ANKRD13A: variants seen among roughly 807,000 people sequenced by gnomAD.
ANKRD13A encodes ankyrin repeat domain 13A, also known as ankyrin repeat domain-containing protein 13A.
Under a neutral mutation model 81.3 loss-of-function variants are expected in ANKRD13A, and 48 were observed. The observed-to-expected ratio is 0.59, with a 90% CI of 0.47 to 0.75. The LOEUF (loss-of-function observed/expected upper bound fraction) is 0.75. Among genes scored for constraint, ANKRD13A ranks in the 30% least tolerant of loss-of-function variants. ANKRD13A has a pLI of 0.00. For synonymous variants in ANKRD13A, 230 were observed against 270.1 expected, an observed-to-expected ratio of 0.85 and a Z score of 1.45; for missense variants, 612 against 734.0, an observed-to-expected ratio of 0.83 and a Z score of 1.92.
intron 1 of ANKRD13A, among the ~76,000 whole-genome samples, chr12:110,008,532 T>A (rs1048359709): frequency 6.6e-6 from 1 of 152,198 alleles, no homozygotes; most frequent in Non-Finnish European, 1.5e-5. Context: ...TCCTTCTTCA[T>A]CTATTTATTG....
chr12:110,016,348 GC>G, intron 3 of ANKRD13A, 39 bp from the exon 4 acceptor site: 1 of 1,519,718 alleles, frequency 6.6e-7, no homozygotes, highest in Non-Finnish European at 8.9e-7. Context: ...TGTTGATAGT[GC>G]CAAGGGTAAT....
At chr12:110,003,463 C>T (rs1890083255) in intron 1 of ANKRD13A, among the ~76,000 whole-genome samples, 1 of 152,196 alleles carries the variant, frequency 6.6e-6, no homozygotes, top group Admixed American at 6.5e-5. Flanking sequence ...AGGAAACTGG[C>T]CTCAAGATTC....
At position 110,038,894 on chromosome 12, in the gene ANKRD13A, A is replaced by G. The variant is rs1262952172; in HGVS notation, c.*1340A>G. ...ACAGGCTGCACTGAAATAACCTGGT[A>G]AACAACACCCTCCTCCATTTTGCGT... On this transcript the variant is annotated 3_prime_UTR_variant, in exon 15 of 15. Transcript: ENST00000261739. The G allele has an allele frequency of 6.6e-6, 1 of 152,198 alleles. No homozygotes were observed. The highest frequency in any genetic ancestry group is 1.5e-5 in the Non-Finnish European group (1 of 68,038). The allele number at this position is 152,198 out of a possible 1,614,324, so 9.4% of individuals were successfully genotyped here.
Position 110,013,115 on chromosome 12 carries a change from T to G in ANKRD13A, c.230-10T>G, listed in dbSNP as rs776707541. ...GTATGAGAATTAAATTTCACCCTTT[T>G]GTTTTCTAGTTTTACATGAGGCTGT... On this transcript the variant is annotated splice_polypyrimidine_tract_variant and intron_variant, in intron 2 of 14. Transcript: ENST00000261739. 1 of 1,612,190 alleles carries G rather than the reference T, an allele frequency of 6.2e-7. No individual in the cohort carries two copies. The highest frequency in any genetic ancestry group is 1.1e-5 in the South Asian group (1 of 90,526).
chr12:110,019,968 TG>T (rs1890997478), intron 6 of ANKRD13A, among the ~76,000 whole-genome samples: 1 of 152,192 alleles, frequency 6.6e-6, no homozygotes, highest in Non-Finnish European at 1.5e-5. Flanking sequence ...GGGGGGCCTT[TG>T]AGTAGAGGCT....
chr12:110,027,543 A>G (rs1891411694), intron 8 of ANKRD13A, 162 bp from the exon 9 acceptor site: 1 of 668,424 alleles, frequency 1.5e-6, no homozygotes, highest in Non-Finnish European at 2.7e-6. Context: ...GCACCCTATA[A>G]AGGATAAATT....
At chr12:110,028,071 A>G (rs1019602839) in intron 9 of ANKRD13A, 2 of 379,072 alleles carry the variant, frequency 5.3e-6, no homozygotes, top group African/African-American at 4.1e-5. Context: ...ATATTGCAAC[A>G]GAGCACCTTA....
At chr12:110,004,476 G>C (rs923863359) in intron 1 of ANKRD13A, among the ~76,000 whole-genome samples, 2 of 151,242 alleles carry the variant, frequency 1.3e-5, no homozygotes, top group Admixed American at 6.6e-5. Flanking sequence ...TTAGCCAGGC[G>C]TGGTGGTGCA....
rs1197505812 is a variant in ANKRD13A, at chr12:110,028,632, A to G, written c.1066A>G (p.Arg356Gly). The change falls in exon 10 of 15, where the codon AGA becomes GGA. Residue 356 changes from arginine (R) to glycine (G), a missense_variant. Arg to Gly is a moderately radical substitution (Grantham distance 125). Transcript: ENST00000261739. ...DIGRPKELTI[R>G]TQKFKAMLWM... is the part of the protein sequence containing the mutation. ...TGGAAGGCCGAAAGAGCTGACGATT[A>G]GAACACAGAAGTAAGAGAGGTTCAG... 5 of 1,614,120 alleles carry G rather than the reference A, an allele frequency of 3.1e-6. No individual in the cohort carries two copies. The African/African-American group carries it at 6.7e-5, about 22-fold the overall frequency.
At position 110,018,282 on chromosome 12, in the gene ANKRD13A, T is replaced by C; in HGVS notation, c.401-63T>C. 1 of 1,524,182 alleles carries C rather than the reference T, an allele frequency of 6.6e-7. No homozygotes were observed. Among genetic ancestry groups the C allele is most frequent in the Non-Finnish European group, 8.9e-7 (1 of 1,120,300 alleles). The allele number at this position is 1,524,182 out of a possible 1,614,324, so 94.4% of individuals were successfully genotyped here. A position where few individuals can be genotyped will look rare whatever the true frequency, so the allele number is the denominator to read the frequency against. On this transcript the variant is annotated intron_variant, in intron 4 of 14. Coordinates refer to ENST00000261739, the MANE Select transcript of ANKRD13A (RefSeq NM_033121.2). This position sits in a 1 kb window ranked among gnomAD's most constrained non-coding sequence, Gnocchi z 4.4. ...CTTTTATTAAATCAGAATCCTGATTTCCTGGCCTAGGTATTCTTCTTGGCC... is the reference window on the plus strand; with the variant it reads ...CTTTTATTAAATCAGAATCCTGATTCCCTGGCCTAGGTATTCTTCTTGGCC...
chr12:110,003,470 A>T (rs1315993112), intron 1 of ANKRD13A, among the ~76,000 whole-genome samples: 1 of 152,182 alleles, frequency 6.6e-6, no homozygotes, highest in Non-Finnish European at 1.5e-5. Context: ...TGGCCTCAAG[A>T]TTCCTGTTTC....
intron 1 of ANKRD13A, among the ~76,000 whole-genome samples, chr12:110,011,199 G>A (rs1470561584): frequency 6.6e-6 from 1 of 152,188 alleles, no homozygotes; most frequent in African/African-American, 2.4e-5. Flanking sequence ...TTTAGGCAGT[G>A]CCCAGGCATT....
intron 1 of ANKRD13A, among the ~76,000 whole-genome samples, chr12:110,008,727 G>A (rs1290366627): frequency 6.6e-6 from 1 of 152,146 alleles, no homozygotes. Context: ...TTTACTAAAA[G>A]TACATAAATT....
In ANKRD13A at chr12:110,018,522, A is replaced by G. The variant is rs546545240; in HGVS notation, c.544+34A>G. On this transcript the variant is annotated intron_variant, in intron 5 of 14. Transcript: ENST00000261739. This position sits in a 1 kb window ranked among gnomAD's most constrained non-coding sequence, Gnocchi z 4.4. ...CTTCTCTTGTAGTAATCACTGCTCA[A>G]GCAAAATTACAGGGTGATTTTTAAC... 311 of 1,599,202 alleles carry G rather than the reference A, an allele frequency of 1.9e-4. 2 individuals are homozygous for G. The South Asian group carries it at 3.3e-3, about 17-fold the overall frequency.
At position 109,999,622 on chromosome 12, in the gene ANKRD13A, C is replaced by T; in HGVS notation, c.-67C>T. The T allele has an allele frequency of 3.0e-6, 4 of 1,336,550 alleles. No homozygotes were observed. The highest frequency in any genetic ancestry group is 3.0e-6 in the Non-Finnish European group (3 of 993,426). 82.8% of individuals were successfully genotyped at this position (1,336,550 alleles called of 1,614,324 possible). ...GCCGGCCTCAGGGCAGGCAGGCGGG[C>T]GCGGGAGACCCCGCCGGGGCCGAGA... On this transcript the variant is annotated 5_prime_UTR_variant, in exon 1 of 15. Transcript: ENST00000261739. The surrounding 1 kb of genome is among the most constrained non-coding windows in gnomAD (Gnocchi z 4.3).
chr12:110,005,838 G>C (rs1890215980), intron 1 of ANKRD13A, among the ~76,000 whole-genome samples: 1 of 151,524 alleles, frequency 6.6e-6, no homozygotes, highest in South Asian at 2.1e-4. Flanking sequence ...CCTTTTTTTT[G>C]AGACAGCTTG....
intron 6 of ANKRD13A, among the ~76,000 whole-genome samples, chr12:110,020,137 T>C (rs1023604516): frequency 1.3e-5 from 2 of 152,198 alleles, no homozygotes; most frequent in Non-Finnish European, 2.9e-5. Context: ...AGTATTTGCC[T>C]AGGATGTCAC....
chr12:110,023,885 C>A, intron 6 of ANKRD13A, 161 bp from the exon 7 acceptor site: 1 of 664,532 alleles, frequency 1.5e-6, no homozygotes, highest in South Asian at 2.0e-5. Context: ...GTGCATAAGC[C>A]ATCTGTCATT....
chr12:110,029,463 G>C lies in ANKRD13A; in HGVS notation c.1077-15G>C, dbSNP rs759413867. 1.9e-6 allele frequency: 3 copies of C among 1,603,224 alleles called. No individual in the cohort carries two copies. The highest frequency in any genetic ancestry group is 2.7e-5 in the African/African-American group (2 of 74,860). On this transcript the variant is annotated splice_polypyrimidine_tract_variant and intron_variant, in intron 10 of 14. Coordinates refer to ENST00000261739, the MANE Select transcript of ANKRD13A (RefSeq NM_033121.2). ...GTGGAGATGACCTCAGTCTTTTCTT[G>C]GTTGAATTCTGCAGGTTTAAAGCAA...
Sources: gnomAD v4.1 joint callset for allele counts (sites outside exome capture counted in the v4.1 genomes callset) on GRCh38, gnomAD v4.1.1 for gene constraint, Gnocchi (gnomAD v3.1) non-coding constraint, MANE v1.5 for transcripts, NCBI Gene and HGNC (gene_info 2026-07-23, HGNC 2026-07-21) for gene names.